The following STX18 variants were observed in gnomAD, a reference collection of about 807,000 sequenced individuals.
The protein encoded by STX18 is syntaxin-18.
Under a neutral mutation model 50.1 loss-of-function variants are expected in STX18, and 40 were observed. The ratio of observed to expected loss-of-function variants is 0.80; its 90% confidence interval spans 0.62 to 1.04. The LOEUF is 1.04. STX18 is among the 50% of genes least tolerant of loss of function. STX18 has a pLI of 0.00. For synonymous variants in STX18, 158 were observed against 151.8 expected, an observed-to-expected ratio of 1.04 and a Z score of -0.30; for missense variants, 410 against 415.8, an observed-to-expected ratio of 0.99 and a Z score of 0.12.
chr4:4,488,901 A>G lies in STX18; in HGVS notation c.169-17195T>C, dbSNP rs138404343. Among the ~76,000 whole-genome samples the G allele has an allele frequency of 1.7e-4, 26 of 152,320 alleles. No homozygotes were observed. In the East Asian group the frequency reaches 4.8e-3, roughly 28 times the overall value. On this transcript the variant is annotated intron_variant, in intron 1 of 10. Transcript: ENST00000306200. ...GTTCATTTTCTGCTTCACATCAGCA[A>G]AGAGAATAGCAAAAGCAACTTCAAG...
chr4:4,460,178 C>T (rs1727304149), intron 2 of STX18, among the ~76,000 whole-genome samples: 1 of 152,166 alleles, frequency 6.6e-6, no homozygotes, highest in African/African-American at 2.4e-5. Flanking sequence ...CCTCTAAAAA[C>T]GTAAGTTCCA....
chr4:4,444,881 C>T (rs1356216308), intron 5 of STX18, among the ~76,000 whole-genome samples: 1 of 152,130 alleles, frequency 6.6e-6, no homozygotes, highest in Non-Finnish European at 1.5e-5. Flanking sequence ...CCTATAATCC[C>T]AACACTTCAT....
intron 1 of STX18, among the ~76,000 whole-genome samples, chr4:4,540,485 C>T (rs1731534924): frequency 6.6e-6 from 1 of 152,244 alleles, no homozygotes; most frequent in Non-Finnish European, 1.5e-5. Flanking sequence ...AGATGTCCTT[C>T]TGCACTGGAA....
At chr4:4,482,091 C>CT (rs1728490651) in intron 1 of STX18, among the ~76,000 whole-genome samples, 1 of 152,168 alleles carries the variant, frequency 6.6e-6, no homozygotes, top group South Asian at 2.1e-4. Flanking sequence ...CAGAACACCA[C>CT]TGTCTCTAGG....
chr4:4,451,469 G>C (rs1726749207), intron 5 of STX18, among the ~76,000 whole-genome samples: 1 of 152,104 alleles, frequency 6.6e-6, no homozygotes, highest in African/African-American at 2.4e-5. Flanking sequence ...TTTTTTGTTT[G>C]TTTTTACAAA....
chr4:4,499,089 A>T (rs73088217), intron 1 of STX18, among the ~76,000 whole-genome samples: 268 of 152,356 alleles, frequency 1.8e-3, no homozygotes, highest in African/African-American at 6.3e-3. Context: ...TTTACATAAG[A>T]CAAACATTTC....
At chr4:4,453,771 T>C in intron 5 of STX18, 1 of 641,134 alleles carries the variant, frequency 1.6e-6, no homozygotes. Context: ...ACAGGTACCG[T>C]GGACCCCCAA....
chr4:4,516,585 T>C (rs1730277956), intron 1 of STX18, among the ~76,000 whole-genome samples: 1 of 152,152 alleles, frequency 6.6e-6, no homozygotes, highest in African/African-American at 2.4e-5. Flanking sequence ...CTGACTCAAG[T>C]GAAAAACAGA....
chr4:4,502,516 G>C (rs973264506), intron 1 of STX18, among the ~76,000 whole-genome samples: 1 of 151,998 alleles, frequency 6.6e-6, no homozygotes, highest in Non-Finnish European at 1.5e-5. Context: ...AACTGAAAAG[G>C]TTCACAGGTT....
chr4:4,434,194 T>C (rs1725660948), intron 7 of STX18, among the ~76,000 whole-genome samples: 1 of 152,190 alleles, frequency 6.6e-6, no homozygotes, highest in Non-Finnish European at 1.5e-5. Flanking sequence ...GATAGCATAT[T>C]CCATCTGGCT....
chr4:4,540,872 C>T (rs566171237), intron 1 of STX18, among the ~76,000 whole-genome samples: 4 of 152,296 alleles, frequency 2.6e-5, no homozygotes, highest in African/African-American at 7.2e-5. Context: ...GAAGGATTTA[C>T]TGTGAAATTA....
intron 2 of STX18, among the ~76,000 whole-genome samples, chr4:4,461,034 C>A (rs1727349676): frequency 6.6e-6 from 1 of 152,314 alleles, no homozygotes. Context: ...TGAATATGTA[C>A]CCTGCAGACA....
intron 6 of STX18, 40 bp from the exon 7 acceptor site, chr4:4,434,898 G>A: frequency 7.0e-7 from 1 of 1,437,308 alleles, no homozygotes; most frequent in South Asian, 1.2e-5. Flanking sequence ...CCAAATATGT[G>A]TTTTAGAATA....
chr4:4,471,676 G>GA lies in STX18; in HGVS notation c.198dup (p.Leu67SerfsTer10). ...ATATAATCTTTCCTGTGTTCCAGAA[G>GA]AAAATCTCTCAGTTTGCCAATGTGA... On this transcript the variant is annotated frameshift_variant, in exon 2 of 11. Coordinates refer to ENST00000306200, the MANE Select transcript of STX18 (RefSeq NM_016930.4). LOFTEE classifies it high-confidence loss of function. The GA allele has an allele frequency of 6.3e-7, 1 of 1,585,116 alleles. No individual in the cohort carries two copies. The highest frequency in any genetic ancestry group is 8.5e-7 in the Non-Finnish European group (1 of 1,172,392).
Position 4,420,643 on chromosome 4 carries a change from T to G in STX18, c.912+221A>C. On this transcript the variant is annotated intron_variant, in intron 10 of 10. Transcript: ENST00000306200. This position sits in a 1 kb window ranked among gnomAD's most constrained non-coding sequence, Gnocchi z 4.3. ...CCCCCACCCACCCTGGATTGCTCCT[T>G]TGGAGGCTGGTGAGCCACTGCCTCT... The G allele has an allele frequency of 1.8e-6, 1 of 563,454 alleles. No individual in the cohort carries two copies. The highest frequency in any genetic ancestry group is 3.2e-6 in the Non-Finnish European group (1 of 317,324). The allele number at this position is 563,454 out of a possible 1,614,324, so 34.9% of individuals were successfully genotyped here.
At chr4:4,435,267 T>C (rs1725716075) in intron 6 of STX18, among the ~76,000 whole-genome samples, 1 of 152,158 alleles carries the variant, frequency 6.6e-6, no homozygotes, top group Non-Finnish European at 1.5e-5. Flanking sequence ...TTGTAAAAAA[T>C]ACATATGCAT....
intron 2 of STX18, among the ~76,000 whole-genome samples, chr4:4,471,155 A>C (rs1727894533): frequency 6.6e-6 from 1 of 152,140 alleles, no homozygotes; most frequent in Non-Finnish European, 1.5e-5. Flanking sequence ...AGGACTGAGG[A>C]CTGGGAATTG....
chr4:4,444,231 G>A (rs1244647944), intron 5 of STX18, among the ~76,000 whole-genome samples: 3 of 152,204 alleles, frequency 2.0e-5, no homozygotes, highest in Admixed American at 6.5e-5. Context: ...CCAGCCCACT[G>A]CCACTGGACT....
Position 4,420,268 on chromosome 4 carries a change from A to G in STX18, c.913-139T>C. On this transcript the variant is annotated intron_variant, in intron 10 of 10. Coordinates refer to ENST00000306200, the MANE Select transcript of STX18 (RefSeq NM_016930.4). This position sits in a 1 kb window ranked among gnomAD's most constrained non-coding sequence, Gnocchi z 4.3. ...GTCGTTCCATCTGTGCTTACCTTGA[A>G]TAGATGGCTTTTGAGATCCACCAGA... The G allele has an allele frequency of 1.5e-6, 1 of 645,762 alleles. No homozygotes were observed. The highest frequency in any genetic ancestry group is 2.7e-6 in the Non-Finnish European group (1 of 370,994). 40.0% of individuals were successfully genotyped at this position (645,762 alleles called of 1,614,324 possible).
Sources: gnomAD v4.1 joint callset for allele counts (sites outside exome capture counted in the v4.1 genomes callset) on GRCh38, gnomAD v4.1.1 for gene constraint, Gnocchi (gnomAD v3.1) non-coding constraint, MANE v1.5 for transcripts, NCBI Gene and HGNC (gene_info 2026-07-23, HGNC 2026-07-21) for gene names.